Variants in PDE4B observed in about 807,000 individuals in gnomAD.
The protein encoded by PDE4B is 3',5'-cyclic-AMP phosphodiesterase 4B.
In PDE4B, 20 loss-of-function variants were observed where a neutral mutation model predicts 82.2. That is an observed-to-expected ratio of 0.24 (90% CI 0.17 to 0.35). The LOEUF (loss-of-function observed/expected upper bound fraction) is 0.35, where lower values mean the gene tolerates loss of function less well. Ranked by LOEUF, PDE4B falls within the 10% of genes least tolerant of loss-of-function variation. The probability of loss-of-function intolerance (pLI) is 1.00; values close to 1 mark genes in which losing one functional copy is unlikely to be tolerated. For synonymous variants in PDE4B, 320 were observed against 318.9 expected, an observed-to-expected ratio of 1.00 and a Z score of -0.04; for missense variants, 655 against 907.2, an observed-to-expected ratio of 0.72 and a Z score of 3.57.
chr1:65,817,591 C>T (rs1484093027), intron 1 of PDE4B, among the ~76,000 whole-genome samples: 1 of 152,066 alleles, frequency 6.6e-6, no homozygotes, highest in Non-Finnish European at 1.5e-5. Context: ...GTTGACCAGA[C>T]TCTATATCTA....
chr1:65,993,965 G>A (rs1331292580), intron 3 of PDE4B, among the ~76,000 whole-genome samples: 1 of 152,094 alleles, frequency 6.6e-6, no homozygotes, highest in Admixed American at 6.6e-5. Context: ...CACTTTTACT[G>A]TGAAAGCCAG....
chr1:66,232,343 A>G (rs1055852103), intron 3 of PDE4B, among the ~76,000 whole-genome samples: 10 of 152,170 alleles, frequency 6.6e-5, no homozygotes, highest in Admixed American at 5.9e-4. Context: ...CATCAGCACT[A>G]CATTTTCAGA....
intron 3 of PDE4B, among the ~76,000 whole-genome samples, chr1:65,965,238 G>A (rs1386186634): frequency 1.3e-5 from 2 of 151,238 alleles, no homozygotes; most frequent in Non-Finnish European, 3.0e-5. Context: ...AAGAGTTAAG[G>A]CATTTCCTCC....
intron 3 of PDE4B, among the ~76,000 whole-genome samples, chr1:65,986,721 T>C (rs1423738105): frequency 6.6e-6 from 1 of 152,198 alleles, no homozygotes; most frequent in African/African-American, 2.4e-5. Flanking sequence ...GCTCTGTTCC[T>C]TATGAAAGTT....
chr1:66,208,629 T>A (rs1324252511), intron 3 of PDE4B, among the ~76,000 whole-genome samples: 1 of 152,222 alleles, frequency 6.6e-6, no homozygotes, highest in Non-Finnish European at 1.5e-5. Context: ...ACTGGAACCA[T>A]GCAAAATCTT....
Position 66,026,905 on chromosome 1 carries a change from T to A in PDE4B, c.281+108070T>A, listed in dbSNP as rs184976083. The stretch of plus-strand genomic sequence containing the variant: ...ACCTTGCAATGTTGTAACATATGCC[T>A]GCAAAGGACTATTCTACAATACATG... On this transcript the variant is annotated intron_variant, in intron 3 of 16. Coordinates refer to ENST00000341517, the MANE Select transcript of PDE4B (RefSeq NM_002600.4). Among the ~76,000 whole-genome samples, 410 of 152,348 alleles carry A rather than the reference T, an allele frequency of 2.7e-3. 1 individual carries two copies. The highest frequency in any genetic ancestry group is 4.6e-3 in the Non-Finnish European group (315 of 68,034).
intron 3 of PDE4B, among the ~76,000 whole-genome samples, chr1:66,083,592 G>A (rs1285196185): frequency 6.6e-6 from 1 of 152,086 alleles, no homozygotes; most frequent in African/African-American, 2.4e-5. Context: ...CCAAATCCAT[G>A]TCTGTTTCAT....
chr1:66,153,591 G>C (rs1477281994), intron 3 of PDE4B, among the ~76,000 whole-genome samples: 1 of 152,096 alleles, frequency 6.6e-6, no homozygotes, highest in East Asian at 1.9e-4. Flanking sequence ...GCCCTGTGCT[G>C]TGCTAGCTTC....
chr1:65,794,218 A>G (rs1329075904), intron 1 of PDE4B, among the ~76,000 whole-genome samples: 1 of 152,234 alleles, frequency 6.6e-6, no homozygotes, highest in Non-Finnish European at 1.5e-5. Context: ...GATCTGAGAT[A>G]TAACTGTTCT....
intron 8 of PDE4B, chr1:66,355,107 GTT>G (rs1420791774): frequency 2.3e-6 from 1 of 430,128 alleles, no homozygotes; most frequent in African/African-American, 2.1e-5. Flanking sequence ...ACTGAATTCT[GTT>G]TTTTAAAAGA....
chr1:65,902,461 A>G (rs1646982266), intron 1 of PDE4B, among the ~76,000 whole-genome samples: 1 of 152,120 alleles, frequency 6.6e-6, no homozygotes, highest in African/African-American at 2.4e-5. Flanking sequence ...AATTCCACTT[A>G]CCTTACAAAA....
At chr1:66,051,933 G>A (rs1034830372) in intron 3 of PDE4B, among the ~76,000 whole-genome samples, 1 of 152,150 alleles carries the variant, frequency 6.6e-6, no homozygotes, top group African/African-American at 2.4e-5. Context: ...CCTTAGGGCA[G>A]CCTACTTTCA....
intron 1 of PDE4B, among the ~76,000 whole-genome samples, chr1:65,900,462 A>G (rs777962074): frequency 6.6e-6 from 1 of 151,898 alleles, no homozygotes; most frequent in Non-Finnish European, 1.5e-5. Flanking sequence ...TTTCACACGA[A>G]TTTTAGAATA....
chr1:66,061,100 A>G (rs1655562603), intron 3 of PDE4B, among the ~76,000 whole-genome samples: 1 of 151,508 alleles, frequency 6.6e-6, no homozygotes, highest in African/African-American at 2.4e-5. Context: ...AAAATGAGAA[A>G]GATAGCCTGT....
rs548278405 is a variant in PDE4B, at chr1:66,265,693, G to A, written c.585-345G>A. Among the ~76,000 whole-genome samples the A allele has an allele frequency of 8.9e-5, 10 of 112,526 alleles. No homozygotes were observed. In the East Asian group the frequency reaches 1.7e-3, roughly 19 times the overall value. 73.8% of individuals were successfully genotyped at this position (112,526 alleles called of 152,430 possible). Reference sequence around the variant, plus strand: ...CCCAAAGGAATTGAGATTCACTCTGGCATTTCGAGTGATGCCTGAGCAAGT... The same window carrying A: ...CCCAAAGGAATTGAGATTCACTCTGACATTTCGAGTGATGCCTGAGCAAGT... On this transcript the variant is annotated intron_variant, in intron 6 of 16. Coordinates refer to ENST00000341517, the MANE Select transcript of PDE4B (RefSeq NM_002600.4).
intron 1 of PDE4B, among the ~76,000 whole-genome samples, chr1:65,814,802 C>T (rs1645861530): frequency 6.6e-6 from 1 of 151,860 alleles, no homozygotes; most frequent in Non-Finnish European, 1.5e-5. Flanking sequence ...TGTTGATTGT[C>T]ATTTAGGTTG....
chr1:66,247,726 C>T, intron 4 of PDE4B, 72 bp downstream of exon 4: 1 of 1,099,222 alleles, frequency 9.1e-7, no homozygotes, highest in Non-Finnish European at 1.3e-6. Flanking sequence ...GTGGCAGCAA[C>T]AACAATTCCC....
intron 3 of PDE4B, among the ~76,000 whole-genome samples, chr1:66,166,464 GT>G (rs1646733750): frequency 6.6e-6 from 1 of 152,262 alleles, no homozygotes; most frequent in Non-Finnish European, 1.5e-5. Context: ...GGCTGGGCGG[GT>G]TGGCTCACAC....
At chr1:65,992,707 A>G (rs547218940) in intron 3 of PDE4B, 3 of 1,326,924 alleles carry the variant, frequency 2.3e-6, no homozygotes, top group Non-Finnish European at 2.9e-6. Context: ...CCAGCCTGAT[A>G]AAGCTCCTTG....
Sources: gnomAD v4.1 joint callset for allele counts (sites outside exome capture counted in the v4.1 genomes callset) on GRCh38, gnomAD v4.1.1 for gene constraint, MANE v1.5 for transcripts, NCBI Gene and HGNC (gene_info 2026-07-23, HGNC 2026-07-21) for gene names.